CTNNA2: variants seen among roughly 807,000 people sequenced by gnomAD.
The protein encoded by CTNNA2 is catenin alpha 2, also known as catenin alpha-2.
CTNNA2 carries 42 observed loss-of-function variants against 101.0 expected under a neutral mutation model. The observed-to-expected ratio is 0.42, with a 90% CI of 0.32 to 0.54. CTNNA2 has a LOEUF of 0.54. Ranked by LOEUF, CTNNA2 falls within the 20% of genes least tolerant of loss-of-function variation. The probability of loss-of-function intolerance (pLI) is 0.14; values close to 1 mark genes in which losing one functional copy is unlikely to be tolerated. For missense variants in CTNNA2, 871 were observed against 1,223.1 expected, an observed-to-expected ratio of 0.71 and a Z score of 4.29; for synonymous variants, 450 against 456.4, an observed-to-expected ratio of 0.99 and a Z score of 0.18.
At position 79,514,604 on chromosome 2, in the gene CTNNA2, T is replaced by TTGC. The variant is rs1671709585; in HGVS notation, c.-6+1403_-6+1405dup. On this transcript the variant is annotated intron_variant, in intron 1 of 18. Coordinates refer to ENST00000402739, the MANE Select transcript of CTNNA2 (RefSeq NM_001282597.3). ...AATTTGACAATTCTTTCTGTTAGCA[T>TTGC]TGCTGCTGTAAAGTTTATTTTTACA... 1.3e-5 allele frequency: 2 copies of TTGC among 152,270 alleles called. 1 individual carries two copies. Among genetic ancestry groups the TTGC allele is most frequent in the South Asian group, 4.1e-4 (2 of 4,838 alleles). The allele number at this position is 152,270 out of a possible 1,614,324, so 9.4% of individuals were successfully genotyped here.
At chr2:80,610,853 T>C (rs1698407448) in intron 17 of CTNNA2, among the ~76,000 whole-genome samples, 1 of 151,606 alleles carries the variant, frequency 6.6e-6, no homozygotes, top group Admixed American at 6.6e-5. Context: ...GACAGATAAT[T>C]CAACAGGTCA....
chr2:79,575,989 T>A (rs1675768385), intron 1 of CTNNA2, among the ~76,000 whole-genome samples: 1 of 152,212 alleles, frequency 6.6e-6, no homozygotes, highest in African/African-American at 2.4e-5. Flanking sequence ...TCTAAAGCGG[T>A]TAGCCCAGTG....
intron 1 of CTNNA2, among the ~76,000 whole-genome samples, chr2:79,642,108 A>C (rs957814697): frequency 1.3e-5 from 2 of 152,214 alleles, no homozygotes; most frequent in African/African-American, 4.8e-5. Flanking sequence ...TACTAGTTTG[A>C]TAAGTTTATT....
intron 9 of CTNNA2, among the ~76,000 whole-genome samples, chr2:80,506,395 C>A (rs906966996): frequency 3.3e-5 from 5 of 152,130 alleles, no homozygotes; most frequent in African/African-American, 1.2e-4. Flanking sequence ...TAGTGGGGGA[C>A]TTCAAACAAT....
At chr2:79,899,067 G>A (rs751779285) in intron 6 of CTNNA2, among the ~76,000 whole-genome samples, 2 of 152,082 alleles carry the variant, frequency 1.3e-5, no homozygotes, top group African/African-American at 2.4e-5. Flanking sequence ...CTTAGTCAGC[G>A]GGTGGTAAAT....
intron 1 of CTNNA2, among the ~76,000 whole-genome samples, chr2:79,196,093 T>C (rs916528854): frequency 1.3e-5 from 2 of 152,072 alleles, no homozygotes; most frequent in Non-Finnish European, 2.9e-5. Flanking sequence ...CGAGCCCCCA[T>C]GCCCAGCTGT....
At chr2:80,187,967 G>C (rs1044173073) in intron 7 of CTNNA2, among the ~76,000 whole-genome samples, 11 of 152,058 alleles carry the variant, frequency 7.2e-5, no homozygotes, top group African/African-American at 2.7e-4. Flanking sequence ...CAAGACATCA[G>C]AACAAAGTTT....
At chr2:79,881,361 CT>C (rs1216322638) in intron 6 of CTNNA2, among the ~76,000 whole-genome samples, 3 of 152,266 alleles carry the variant, frequency 2.0e-5, no homozygotes, top group South Asian at 2.1e-4. Flanking sequence ...TCCTGAATAT[CT>C]TTGTTAATTT....
intron 1 of CTNNA2, among the ~76,000 whole-genome samples, chr2:79,603,123 A>G (rs1020028128): frequency 1.3e-5 from 2 of 152,178 alleles, no homozygotes; most frequent in African/African-American, 2.4e-5. Context: ...ACCCACATAT[A>G]AATGAGTGCA....
At chr2:80,328,888 G>T (rs974331107) in intron 7 of CTNNA2, among the ~76,000 whole-genome samples, 1 of 151,940 alleles carries the variant, frequency 6.6e-6, no homozygotes, top group African/African-American at 2.4e-5. Context: ...AGTCATTTTC[G>T]CTACTTGATC....
chr2:79,406,145 T>C (rs1365566979), intron 4 of CTNNA2, among the ~76,000 whole-genome samples: 1 of 152,030 alleles, frequency 6.6e-6, no homozygotes, highest in Non-Finnish European at 1.5e-5. Context: ...ACAAGAAAGG[T>C]CATTGATACT....
chr2:79,340,551 A>G (rs895719482), intron 3 of CTNNA2, among the ~76,000 whole-genome samples: 2 of 152,164 alleles, frequency 1.3e-5, no homozygotes, highest in Non-Finnish European at 2.9e-5. Flanking sequence ...GGAATACATG[A>G]GGCCGGGCGT....
chr2:79,412,275 G>A (rs1002000682), intron 4 of CTNNA2, among the ~76,000 whole-genome samples: 4 of 152,058 alleles, frequency 2.6e-5, no homozygotes, highest in African/African-American at 9.7e-5. Flanking sequence ...AAGAGACTTA[G>A]ACTCCCACAT....
intron 8 of CTNNA2, among the ~76,000 whole-genome samples, chr2:80,412,439 G>A (rs1679668809): frequency 6.6e-6 from 1 of 152,146 alleles, no homozygotes; most frequent in South Asian, 2.1e-4. Context: ...GCTATATAAT[G>A]GAACATGAGG....
intron 6 of CTNNA2, among the ~76,000 whole-genome samples, chr2:79,878,178 G>T (rs1683167193): frequency 6.6e-6 from 1 of 152,114 alleles, no homozygotes; most frequent in South Asian, 2.1e-4. Flanking sequence ...AGTATTCCAT[G>T]GTGTATATGT....
intron 7 of CTNNA2, among the ~76,000 whole-genome samples, chr2:80,031,079 T>C (rs1207400019): frequency 6.6e-6 from 1 of 152,176 alleles, no homozygotes; most frequent in Non-Finnish European, 1.5e-5. Context: ...TGCATATCTT[T>C]TGACCCAATA....
chr2:79,941,141 T>G (rs1456941245), intron 7 of CTNNA2, among the ~76,000 whole-genome samples: 1 of 152,206 alleles, frequency 6.6e-6, no homozygotes, highest in East Asian at 1.9e-4. Flanking sequence ...GTGTTTGACT[T>G]TTATTCCCAT....
intron 4 of CTNNA2, among the ~76,000 whole-genome samples, chr2:79,472,912 T>G (rs1440834843): frequency 6.6e-6 from 1 of 152,224 alleles, no homozygotes. Flanking sequence ...ATATACATTT[T>G]TATTGCTTTC....
intron 2 of CTNNA2, among the ~76,000 whole-genome samples, chr2:79,203,764 C>T: frequency 6.6e-6 from 1 of 152,238 alleles, no homozygotes; most frequent in East Asian, 1.9e-4. Flanking sequence ...TATACTTTTG[C>T]CTTCATTAAC....
Sources: allele counts gnomAD v4.1 joint callset (sites outside exome capture counted in the v4.1 genomes callset), GRCh38; gene constraint gnomAD v4.1.1; transcripts MANE v1.5; gene names NCBI Gene and HGNC (gene_info 2026-07-23, HGNC 2026-07-21).